Variants in RBFOX1 observed in about 807,000 individuals in gnomAD.
RBFOX1 encodes the protein RNA binding fox-1 homolog 1, also known as RNA binding protein fox-1 homolog 1.
RBFOX1 carries 8 observed loss-of-function variants against 57.7 expected under a neutral mutation model. The ratio of observed to expected loss-of-function variants is 0.14; its 90% CI spans 0.08 to 0.25. The LOEUF is 0.25. Ranked by LOEUF, RBFOX1 falls within the 10% of genes least tolerant of loss-of-function variation. The pLI is 1.00. For missense variants in RBFOX1, 611 were observed against 548.5 expected, an observed-to-expected ratio of 1.11 and a Z score of -1.14; for synonymous variants, 326 against 222.4, an observed-to-expected ratio of 1.47 and a Z score of -4.15.
chr16:6,507,091 C>G (rs1338463908), intron 2 of RBFOX1, among the ~76,000 whole-genome samples: 1 of 152,136 alleles, frequency 6.6e-6, no homozygotes, highest in African/African-American at 2.4e-5. Flanking sequence ...CAAGGTACAT[C>G]CCAAGTCTCC....
chr16:7,023,050 G>A (rs1304873066), intron 3 of RBFOX1, among the ~76,000 whole-genome samples: 1 of 152,198 alleles, frequency 6.6e-6, no homozygotes, highest in African/African-American at 2.4e-5. Flanking sequence ...ACCATTTGAA[G>A]TGTAGAGATA....
In RBFOX1 at chr16:7,128,278, A is replaced by G. The variant is rs115744066; in HGVS notation, c.27+76180A>G. Among the ~76,000 whole-genome samples the G allele has an allele frequency of 3.7e-3, 560 of 152,362 alleles. 8 individuals carry two copies. Among genetic ancestry groups the G allele is most frequent in the African/African-American group, 0.012 (511 of 41,590 alleles). On this transcript the variant is annotated intron_variant, in intron 4 of 15. Transcript: ENST00000550418. The stretch of plus-strand genomic sequence containing the variant: ...TCTGTTATTTCCTTGAATCCTCACA[A>G]TAATTCTGCAAGATAGGTACTATAC...
chr16:6,877,974 A>T (rs2062151358), intron 3 of RBFOX1, among the ~76,000 whole-genome samples: 1 of 152,148 alleles, frequency 6.6e-6, no homozygotes, highest in Non-Finnish European at 1.5e-5. Context: ...TAAGGGTTTC[A>T]GAGAGCCGAG....
At chr16:6,980,936 G>T (rs1279205203) in intron 3 of RBFOX1, among the ~76,000 whole-genome samples, 1 of 149,856 alleles carries the variant, frequency 6.7e-6, no homozygotes, top group Admixed American at 6.7e-5. Flanking sequence ...CCAATTAATC[G>T]GGAGTCTGAG....
At position 5,498,415 on chromosome 16, in the gene RBFOX1, A is replaced by T. The variant is rs115559473; in HGVS notation, c.258+31161A>T. 5.4e-3 allele frequency among the ~76,000 whole-genome samples: 823 copies of T among 152,298 alleles called. 11 individuals are homozygous for T. The highest frequency in any genetic ancestry group is 0.018 in the African/African-American group (766 of 41,572). ...TGCCTCAGCCTCCCAAAGTGCTGGG[A>T]TTACAGGCGTCTAAGAACAAAGCTT... On this transcript the variant is annotated intron_variant, in intron 2 of 2. Transcript: ENST00000585867.
At chr16:5,887,111 T>C (rs1724154465) in intron 4 of RBFOX1, among the ~76,000 whole-genome samples, 1 of 152,156 alleles carries the variant, frequency 6.6e-6, no homozygotes, top group South Asian at 2.1e-4. Context: ...TTTCCAGACA[T>C]TGGCAAATGT....
chr16:6,662,317 T>A (rs1603232814), intron 3 of RBFOX1, among the ~76,000 whole-genome samples: 1 of 152,204 alleles, frequency 6.6e-6, no homozygotes, highest in Non-Finnish European at 1.5e-5. Flanking sequence ...ATGATGGATA[T>A]GTTAATTAGC....
intron 3 of RBFOX1, among the ~76,000 whole-genome samples, chr16:6,776,200 G>A (rs888517931): frequency 6.6e-6 from 1 of 151,810 alleles, no homozygotes; most frequent in Non-Finnish European, 1.5e-5. Flanking sequence ...TCACTAGGTC[G>A]GGAGATCGAG....
At chr16:5,710,238 A>G (rs534729978) in intron 3 of RBFOX1, among the ~76,000 whole-genome samples, 19 of 152,198 alleles carry the variant, frequency 1.2e-4, no homozygotes, top group Admixed American at 2.6e-4. Context: ...AAACTGAAGC[A>G]GCTAATTGTG....
intron 1 of RBFOX1, among the ~76,000 whole-genome samples, chr16:6,255,170 T>C (rs1298238311): frequency 6.6e-6 from 1 of 152,132 alleles, no homozygotes; most frequent in Admixed American, 6.6e-5. Flanking sequence ...CCTGGAAACA[T>C]TTCCATATCA....
At chr16:5,460,383 T>C (rs566309653) in intron 1 of RBFOX1, among the ~76,000 whole-genome samples, 3 of 152,334 alleles carry the variant, frequency 2.0e-5, no homozygotes, top group Admixed American at 6.5e-5. Flanking sequence ...CATTATCCCA[T>C]CTACACCACT....
chr16:7,144,803 T>C (rs978798872), intron 4 of RBFOX1, among the ~76,000 whole-genome samples: 1 of 152,140 alleles, frequency 6.6e-6, no homozygotes, highest in East Asian at 1.9e-4. Context: ...CAAATCAAGC[T>C]ATGGAATAAA....
At chr16:5,955,629 G>A (rs1193579612) in intron 4 of RBFOX1, among the ~76,000 whole-genome samples, 1 of 152,052 alleles carries the variant, frequency 6.6e-6, no homozygotes, top group Non-Finnish European at 1.5e-5. Context: ...TTTGTGATGA[G>A]CACTGTTGTT....
chr16:5,287,809 T>A (rs1375078848), intron 1 of RBFOX1, among the ~76,000 whole-genome samples: 1 of 152,180 alleles, frequency 6.6e-6, no homozygotes, highest in Non-Finnish European at 1.5e-5. Context: ...AACCCAATAT[T>A]AGGGGCTGGA....
intron 4 of RBFOX1, among the ~76,000 whole-genome samples, chr16:5,876,007 C>A (rs2057600449): frequency 6.6e-6 from 1 of 152,102 alleles, no homozygotes; most frequent in Admixed American, 6.5e-5. Context: ...GCACACCCAG[C>A]TAATTTTTTG....
At chr16:7,519,723 C>T (rs1466551257) in intron 5 of RBFOX1, 4 of 984,938 alleles carry the variant, frequency 4.1e-6, no homozygotes, top group South Asian at 4.7e-5. Flanking sequence ...TAAGGCAATT[C>T]TGCCTCTTCG....
Position 6,093,338 on chromosome 16 carries a change from T to G in RBFOX1, c.-127+73346T>G, listed in dbSNP as rs201895520. Among the ~76,000 whole-genome samples the G allele has an allele frequency of 5.5e-4, 84 of 151,984 alleles. 1 individual carries two copies. In the East Asian group the frequency reaches 0.016, roughly 29 times the overall value. On this transcript the variant is annotated intron_variant, in intron 1 of 15. Coordinates refer to ENST00000550418, the MANE Select transcript of RBFOX1 (RefSeq NM_018723.4). The stretch of plus-strand genomic sequence containing the variant: ...CCTGTAGGCACATCTACTTGGAAGG[T>G]TGAGGTGGGAAGATCTGTTGAGACC...
intron 2 of RBFOX1, among the ~76,000 whole-genome samples, chr16:6,343,229 C>T (rs1027891408): frequency 5.3e-5 from 8 of 152,008 alleles, no homozygotes; most frequent in Admixed American, 3.3e-4. Context: ...TTCTGACATT[C>T]TTACTCTACA....
At chr16:6,254,157 C>G (rs1290099976) in intron 1 of RBFOX1, among the ~76,000 whole-genome samples, 5 of 152,092 alleles carry the variant, frequency 3.3e-5, no homozygotes, top group Non-Finnish European at 7.4e-5. Context: ...GCACCCTCGT[C>G]AATAGCATTT....
Sources: allele counts gnomAD v4.1 joint callset (sites outside exome capture counted in the v4.1 genomes callset), GRCh38; gene constraint gnomAD v4.1.1; transcripts MANE v1.5; gene names NCBI Gene and HGNC (gene_info 2026-07-23, HGNC 2026-07-21).